The following ZFHX3 variants were observed in gnomAD, a reference collection of about 807,000 sequenced individuals.
The protein encoded by ZFHX3 is zinc finger homeobox protein 3.
A neutral mutation model predicts 279.1 loss-of-function variants in ZFHX3; 42 were observed. That is an observed-to-expected ratio of 0.15 (90% CI 0.12 to 0.19). ZFHX3 has a LOEUF of 0.19. Ranked by LOEUF, ZFHX3 falls within the 10% of genes least tolerant of loss-of-function variation. The pLI is 1.00. For synonymous variants in ZFHX3, 2,293 were observed against 1,957.8 expected, an observed-to-expected ratio of 1.17 and a Z score of -4.52; for missense variants, 4,981 against 4,754.0, an observed-to-expected ratio of 1.05 and a Z score of -1.40.
intron 7 of ZFHX3, chr16:73,130,944 C>A: frequency 7.7e-7 from 1 of 1,300,956 alleles, no homozygotes; most frequent in Non-Finnish European, 1.0e-6. Context: ...TGGCTAGGGG[C>A]ACTATAAGAC....
intron 1 of ZFHX3, among the ~76,000 whole-genome samples, chr16:73,685,547 T>G (rs919245116): frequency 2.6e-5 from 4 of 152,220 alleles, no homozygotes; most frequent in Admixed American, 6.5e-5. Flanking sequence ...AATGAGACCC[T>G]TCTCAGATTT....
intron 3 of ZFHX3, among the ~76,000 whole-genome samples, chr16:73,336,566 C>T (rs1363576247): frequency 6.6e-6 from 1 of 152,056 alleles, no homozygotes; most frequent in Non-Finnish European, 1.5e-5. Context: ...AAGACATGAT[C>T]TTGTTCATTT....
intron 3 of ZFHX3, among the ~76,000 whole-genome samples, chr16:73,410,728 A>AGG (rs2017449340): frequency 6.6e-6 from 1 of 152,248 alleles, no homozygotes; most frequent in Non-Finnish European, 1.5e-5. Flanking sequence ...CCAACAAGAG[A>AGG]GGCTGCATCC....
chr16:73,658,558 C>G (rs2052746907), intron 2 of ZFHX3, among the ~76,000 whole-genome samples: 1 of 152,200 alleles, frequency 6.6e-6, no homozygotes. Context: ...CCTCCTTGGT[C>G]TCCCAAAGTG....
chr16:72,788,089 G>GGTT lies in ZFHX3; in HGVS notation c.10186_10187insAAC (p.Gln3395dup). 1 of 1,611,834 alleles carries GGTT rather than the reference G, an allele frequency of 6.2e-7. No homozygotes were observed. Among genetic ancestry groups the GGTT allele is most frequent in the South Asian group, 1.1e-5 (1 of 91,052 alleles). ...GGGGACTGGGGTTTGGCTTGCTTTG[G>GGTT]GCTGCTGCTGCTGCACTTTTTGCTG... On this transcript the variant is annotated inframe_insertion, in exon 10 of 10. Coordinates refer to ENST00000268489, the MANE Select transcript of ZFHX3 (RefSeq NM_006885.4).
At position 73,801,849 on chromosome 16, in the gene ZFHX3, C is replaced by A. The variant is rs570906047; in HGVS notation, c.-1608+89802G>T. ...GCAACAACATGCTCTGCAACTTGGG[C>A]GTGTTCATTTTACTTTCTCTGCCTC... On this transcript the variant is annotated intron_variant, in intron 1 of 17. Coordinates refer to the ZFHX3 transcript ENST00000641206. Among the ~76,000 whole-genome samples the A allele has an allele frequency of 2.6e-4, 40 of 152,296 alleles. No homozygotes were observed. In the South Asian group the frequency reaches 8.1e-3, roughly 31 times the overall value.
intron 4 of ZFHX3, among the ~76,000 whole-genome samples, chr16:72,839,693 T>C (rs1391173801): frequency 6.6e-6 from 1 of 151,948 alleles, no homozygotes; most frequent in African/African-American, 2.4e-5. Context: ...TATTTGCTCA[T>C]CAGAATTAAC....
At chr16:73,248,142 T>C (rs115841701) in intron 5 of ZFHX3, among the ~76,000 whole-genome samples, 2,055 of 151,882 alleles carry the variant, frequency 0.014, 53 homozygotes, top group African/African-American at 0.048. Context: ...ATAAAATGTG[T>C]GTGTTTGTCT....
chr16:73,730,926 C>T (rs1040992414), intron 1 of ZFHX3, among the ~76,000 whole-genome samples: 4 of 152,172 alleles, frequency 2.6e-5, no homozygotes, highest in Non-Finnish European at 5.9e-5. Flanking sequence ...CAGGGCTTAG[C>T]GGAACATTCC....
chr16:73,293,395 T>C (rs1462770284), intron 4 of ZFHX3, among the ~76,000 whole-genome samples: 1 of 152,204 alleles, frequency 6.6e-6, no homozygotes, highest in African/African-American at 2.4e-5. Context: ...GAGTTTCCAT[T>C]GAAATTTCTA....
intron 5 of ZFHX3, among the ~76,000 whole-genome samples, chr16:73,171,442 G>C (rs978092650): frequency 7.7e-6 from 1 of 130,456 alleles, no homozygotes; most frequent in African/African-American, 2.9e-5. Flanking sequence ...GGTCTACAGT[G>C]AATGTGTAAA....
At chr16:73,106,781 A>G (rs1966310584) in intron 7 of ZFHX3, among the ~76,000 whole-genome samples, 2 of 152,218 alleles carry the variant, frequency 1.3e-5, no homozygotes, top group African/African-American at 2.4e-5. Flanking sequence ...TCAATTGACA[A>G]TAATGATGGT....
chr16:73,322,712 C>T (rs3954299), intron 3 of ZFHX3, among the ~76,000 whole-genome samples: 61,327 of 152,100 alleles, frequency 0.4, 14,165 homozygotes, highest in Non-Finnish European at 0.53. Context: ...ATTATAAGGT[C>T]TGTCTCCACA....
chr16:73,477,435 T>C (rs980350701), intron 2 of ZFHX3, among the ~76,000 whole-genome samples: 7 of 152,206 alleles, frequency 4.6e-5, no homozygotes, highest in African/African-American at 1.7e-4. Flanking sequence ...TGTTACCAAA[T>C]AATAAAATCA....
chr16:72,975,765 T>G (rs1037829139), intron 1 of ZFHX3, among the ~76,000 whole-genome samples: 1 of 152,102 alleles, frequency 6.6e-6, no homozygotes, highest in African/African-American at 2.4e-5. Context: ...GGGCAATAAT[T>G]ACACCCTCAC....
In ZFHX3 at chr16:73,466,539, G is replaced by A. The variant is rs78241082; in HGVS notation, c.-1546-10281C>T. Among the ~76,000 whole-genome samples, 2,663 of 152,262 alleles carry A rather than the reference G, an allele frequency of 0.017. 192 individuals are homozygous for A. The East Asian group carries it at 0.26, about 15-fold the overall frequency. ...ACATCTAGAAGACTTTTATTACCTA[G>A]GCAAGCTTGATTTAGTTACTTAATT... On this transcript the variant is annotated intron_variant, in intron 2 of 17. Transcript: ENST00000641206.
chr16:73,385,957 A>G (rs2016894447), intron 3 of ZFHX3, among the ~76,000 whole-genome samples: 1 of 151,926 alleles, frequency 6.6e-6, no homozygotes, highest in Non-Finnish European at 1.5e-5. Flanking sequence ...ACCCCAGTGG[A>G]ATGTTTCACT....
chr16:73,063,328 T>C (rs1441299030), upstream of ZFHX3, among the ~76,000 whole-genome samples: 1 of 152,126 alleles, frequency 6.6e-6, no homozygotes, highest in Non-Finnish European at 1.5e-5. Context: ...GAAGATGAGA[T>C]AGGGAGGGAG....
At chr16:73,777,071 G>A (rs947710357) in intron 1 of ZFHX3, among the ~76,000 whole-genome samples, 6 of 152,114 alleles carry the variant, frequency 3.9e-5, no homozygotes, top group East Asian at 3.9e-4. Context: ...GCATCACCAC[G>A]CTTTGTAAGA....
Sources: allele counts gnomAD v4.1 joint callset (sites outside exome capture counted in the v4.1 genomes callset), GRCh38; gene constraint gnomAD v4.1.1; transcripts MANE v1.5; gene names NCBI Gene and HGNC (gene_info 2026-07-23, HGNC 2026-07-21).